Variants in WASF3 observed in about 807,000 individuals in gnomAD.
WASF3 encodes actin-binding protein WASF3.
Under a neutral mutation model 46.6 loss-of-function variants are expected in WASF3, and 11 were observed. The ratio of observed to expected loss-of-function variants is 0.24; its 90% CI spans 0.15 to 0.39. The LOEUF (loss-of-function observed/expected upper bound fraction) is 0.39, where lower values mean the gene tolerates loss of function less well. Ranked by LOEUF, WASF3 falls within the 10% of genes least tolerant of loss-of-function variation. WASF3 has a pLI of 1.00. For synonymous variants in WASF3, 242 were observed against 259.7 expected, an observed-to-expected ratio of 0.93 and a Z score of 0.65; for missense variants, 576 against 669.8, an observed-to-expected ratio of 0.86 and a Z score of 1.55.
chr13:26,638,746 C>T (rs982731086), intron 2 of WASF3: 5 of 152,198 alleles, frequency 3.3e-5, no homozygotes, highest in Non-Finnish European at 7.3e-5. Flanking sequence ...TTAGAGTACG[C>T]TATGGTTTGG....
At chr13:26,542,571 T>A in the WASF3 span, among the ~76,000 whole-genome samples, 1 of 152,244 alleles carries the variant, frequency 6.6e-6, no homozygotes, top group Non-Finnish European at 1.5e-5. Context: ...GTTTTTGTAT[T>A]ACATTTGCCA....
Position 26,681,177 on chromosome 13 carries a change from G to T in WASF3, c.840G>T (p.Gln280His), listed in dbSNP as rs1015561852. The T allele has an allele frequency of 1.2e-6, 2 of 1,614,026 alleles. No individual in the cohort carries two copies. The highest frequency in any genetic ancestry group is 1.1e-5 in the South Asian group (1 of 91,084). Reference sequence around the variant, plus strand: ...TGCCACCACACGGGCCTGCAAGCCAGGCTGCGGAGCATGAGTACCGGCCCC... The same window carrying T: ...TGCCACCACACGGGCCTGCAAGCCATGCTGCGGAGCATGAGTACCGGCCCC... ...GDVPPHGPASQAAEHEYRPPS... is the reference protein window; with the variant it reads ...GDVPPHGPASHAAEHEYRPPS... Residue 280 changes from glutamine to histidine, a missense_variant, in exon 8 of 10, where the codon CAG (glutamine) becomes CAT (histidine). By Grantham distance (24) the Gln-to-His change is conservative (BLOSUM62 0). Coordinates refer to ENST00000335327, the MANE Select transcript of WASF3 (RefSeq NM_006646.6).
chr13:26,595,849 A>G (rs1384740874), intron 1 of WASF3, among the ~76,000 whole-genome samples: 1 of 152,188 alleles, frequency 6.6e-6, no homozygotes, highest in Non-Finnish European at 1.5e-5. Context: ...ATTGCTGAGC[A>G]GTTTACAATT....
intron 1 of WASF3, among the ~76,000 whole-genome samples, chr13:26,570,013 C>T (rs958724793): frequency 2.6e-5 from 4 of 152,280 alleles, no homozygotes; most frequent in South Asian, 2.1e-4. Context: ...CAGCCGGGCG[C>T]GGTGGCTCAT....
chr13:26,656,451 G>A (rs913499224), intron 3 of WASF3, among the ~76,000 whole-genome samples: 3 of 151,908 alleles, frequency 2.0e-5, no homozygotes, highest in African/African-American at 7.3e-5. Context: ...TTGTCACTCA[G>A]TTACTAAAAA....
intron 1 of WASF3, among the ~76,000 whole-genome samples, chr13:26,561,333 GTA>G (rs1160242527): frequency 6.6e-6 from 1 of 152,130 alleles, no homozygotes; most frequent in African/African-American, 2.4e-5. Flanking sequence ...CCGTGTGTGT[GTA>G]TGTGGTGGGG....
chr13:26,552,702 T>C (rs1878998579), upstream of WASF3, among the ~76,000 whole-genome samples: 1 of 152,244 alleles, frequency 6.6e-6, no homozygotes, highest in Admixed American at 6.5e-5. Flanking sequence ...ATATTCTAAT[T>C]ATATTCTTTT....
At chr13:26,620,881 A>T (rs1379630467) in intron 2 of WASF3, among the ~76,000 whole-genome samples, 1 of 152,182 alleles carries the variant, frequency 6.6e-6, no homozygotes, top group African/African-American at 2.4e-5. Flanking sequence ...TAGGTACTTG[A>T]CAAGGTTTTT....
intron 3 of WASF3, among the ~76,000 whole-genome samples, chr13:26,657,466 G>A (rs1275115462): frequency 2.0e-5 from 3 of 152,132 alleles, no homozygotes; most frequent in African/African-American, 7.2e-5. Flanking sequence ...TAAACTGTGG[G>A]CCAAAATACT....
intron 4 of WASF3, among the ~76,000 whole-genome samples, chr13:26,666,025 T>A (rs563866276): frequency 6.6e-6 from 1 of 152,292 alleles, no homozygotes; most frequent in African/African-American, 2.4e-5. Flanking sequence ...TTTTATTTTT[T>A]AAAAAAAGTA....
chr13:26,580,953 C>T (rs557123892), intron 1 of WASF3, among the ~76,000 whole-genome samples: 25 of 128,308 alleles, frequency 1.9e-4, no homozygotes, highest in Admixed American at 5.0e-4. Flanking sequence ...TTTTTTAAGG[C>T]AAGGTCACAC....
chr13:26,645,790 A>C (rs1329258806), intron 3 of WASF3, among the ~76,000 whole-genome samples: 1 of 152,210 alleles, frequency 6.6e-6, no homozygotes, highest in East Asian at 1.9e-4. Context: ...CAATTTTGGA[A>C]ATAACTGATG....
intron 1 of WASF3, among the ~76,000 whole-genome samples, chr13:26,589,699 T>C (rs924840049): frequency 1.3e-5 from 2 of 152,222 alleles, no homozygotes; most frequent in African/African-American, 4.8e-5. Flanking sequence ...GATTTATGTG[T>C]GAACTTAAAA....
At chr13:26,554,719 G>A (rs966517113), upstream of WASF3, among the ~76,000 whole-genome samples, 12 of 152,126 alleles carry the variant, frequency 7.9e-5, no homozygotes, top group African/African-American at 2.4e-4. Context: ...TGTATGGCTT[G>A]ATAGCTCATT....
intron 1 of WASF3, chr13:26,576,844 G>T (rs1043565725): frequency 8.8e-6 from 5 of 570,342 alleles, no homozygotes; most frequent in Middle Eastern, 5.0e-4. Flanking sequence ...CGTAACTATA[G>T]TATAATATCA....
At chr13:26,628,170 C>T (rs569815626) in intron 2 of WASF3, among the ~76,000 whole-genome samples, 357 of 152,200 alleles carry the variant, frequency 2.3e-3, no homozygotes, top group Non-Finnish European at 4.2e-3. Flanking sequence ...AACCTGCGCT[C>T]GCCAATCCTG....
intron 2 of WASF3, among the ~76,000 whole-genome samples, chr13:26,631,632 TTAGGA>T (rs1881654518): frequency 6.6e-6 from 1 of 152,224 alleles, no homozygotes; most frequent in Admixed American, 6.5e-5. Context: ...TTCTTTTTGC[TTAGGA>T]TTGTCTTGGC....
chr13:26,615,119 G>T (rs1341498518), intron 2 of WASF3, among the ~76,000 whole-genome samples: 1 of 152,008 alleles, frequency 6.6e-6, no homozygotes, highest in East Asian at 1.9e-4. Context: ...TGTCTATCTG[G>T]TTGCTAAATG....
At chr13:26,580,812 A>G (rs7994835) in intron 1 of WASF3, among the ~76,000 whole-genome samples, 5,400 of 150,862 alleles carry the variant, frequency 0.036, 335 homozygotes, top group African/African-American at 0.12. Context: ...TTTAGTAGAG[A>G]TGGAGTTTCT....
Sources: gnomAD v4.1 joint callset for allele counts (sites outside exome capture counted in the v4.1 genomes callset) on GRCh38, gnomAD v4.1.1 for gene constraint, MANE v1.5 for transcripts, NCBI Gene and HGNC (gene_info 2026-07-23, HGNC 2026-07-21) for gene names.